Variants in PICALM observed in about 807,000 individuals in gnomAD.
PICALM encodes the protein phosphatidylinositol-binding clathrin assembly protein.
In PICALM, 40 loss-of-function variants were observed where a neutral mutation model predicts 80.5. The ratio of observed to expected loss-of-function variants is 0.50; its 90% CI spans 0.39 to 0.65. PICALM has a LOEUF of 0.65. Among genes scored for constraint, PICALM ranks in the 30% least tolerant of loss-of-function variants. The pLI, the probability that PICALM is intolerant of heterozygous loss-of-function variation, is 0.00. For synonymous variants in PICALM, 288 were observed against 260.3 expected (o/e 1.11, Z -1.02); for missense variants, 676 against 778.9 (o/e 0.87, Z 1.57).
At chr11:86,021,572 A>G (rs1593010412) in intron 4 of PICALM, among the ~76,000 whole-genome samples, 1 of 152,086 alleles carries the variant, frequency 6.6e-6, no homozygotes, top group Non-Finnish European at 1.5e-5. Flanking sequence ...TGAAAGTGCC[A>G]TACATTGCTG....
chr11:86,028,641 T>A (rs1000718123), intron 2 of PICALM, among the ~76,000 whole-genome samples: 1 of 152,158 alleles, frequency 6.6e-6, no homozygotes, highest in Non-Finnish European at 1.5e-5. Flanking sequence ...CTTACCCAAG[T>A]CACCCAGTTG....
At position 85,958,410 on chromosome 11, in the gene PICALM, A is replaced by G. The variant is rs757160186; in HGVS notation, c.*636T>C. On this transcript the variant is annotated 3_prime_UTR_variant, in exon 20 of 20. Coordinates refer to ENST00000393346, the MANE Select transcript of PICALM (RefSeq NM_007166.4). ...CTGAATCAGATTCATTCTTGTGGAT[A>G]AAAATCAAACATACTGTGCACATCC... 1.9e-5 allele frequency: 4 copies of G among 213,614 alleles called. No homozygotes were observed. The highest frequency in any genetic ancestry group is 2.8e-5 in the Non-Finnish European group (3 of 105,492). 13.2% of individuals were successfully genotyped at this position (213,614 alleles called of 1,614,324 possible).
At position 86,068,945 on chromosome 11, in the gene PICALM, G is replaced by A. The variant is rs1463400630; in HGVS notation, c.-165C>T. 1.2e-6 allele frequency: 1 copy of A among 862,922 alleles called. No homozygotes were observed. Among genetic ancestry groups the A allele is most frequent in the Non-Finnish European group, 1.7e-6 (1 of 583,474 alleles). 53.5% of individuals were successfully genotyped at this position (862,922 alleles called of 1,614,324 possible). On this transcript the variant is annotated 5_prime_UTR_variant, in exon 1 of 20. Transcript: ENST00000393346. The stretch of plus-strand genomic sequence containing the variant: ...GGGGCCGCGCGCTGCCACCAGTCCA[G>A]AGAGAACCGGCTCGTGTCACCCGCG...
chr11:86,012,366 C>G lies in PICALM; in HGVS notation c.573G>C (p.Gly191=), dbSNP rs2095413353. ...GGAGCATGAAGGCAGCATTTATTAC[C>G]CCATTTGTAAGTTCATTGCTATTAA... ...FNVNSNELTN[G]VINAAFMLLF... is the part of the protein sequence containing the mutation. The change falls in exon 6 of 20, where the codon GGG becomes GGC. Residue 191 remains glycine (G), a synonymous_variant. Transcript: ENST00000393346. 6.2e-7 allele frequency: 1 copy of G among 1,607,446 alleles called. No homozygotes were observed. Among genetic ancestry groups the G allele is most frequent in the East Asian group, 2.2e-5 (1 of 44,666 alleles).
At chr11:86,006,576 A>C (rs1165452240) in intron 8 of PICALM, among the ~76,000 whole-genome samples, 1 of 152,110 alleles carries the variant, frequency 6.6e-6, no homozygotes, top group Non-Finnish European at 1.5e-5. Context: ...GAACCCAGGA[A>C]GCGGAGGTTG....
At chr11:85,984,027 G>A (rs1312188552) in intron 13 of PICALM, 54 bp from the exon 14 acceptor site, 12 of 774,068 alleles carry the variant, frequency 1.6e-5, no homozygotes, top group South Asian at 3.2e-5. Flanking sequence ...CTACATTTAC[G>A]ACTATTTAAT....
chr11:86,043,912 C>G (rs1187313573), intron 1 of PICALM, among the ~76,000 whole-genome samples: 1 of 152,184 alleles, frequency 6.6e-6, no homozygotes, highest in Non-Finnish European at 1.5e-5. Flanking sequence ...CTCCCTCACT[C>G]AGAAAACACA....
At chr11:86,044,168 T>C (rs1401630522) in intron 1 of PICALM, among the ~76,000 whole-genome samples, 1 of 152,164 alleles carries the variant, frequency 6.6e-6, no homozygotes, top group Non-Finnish European at 1.5e-5. Context: ...AACAAATAGA[T>C]GGTGGCAAGT....
chr11:85,968,044 C>G (rs890034048), intron 19 of PICALM, among the ~76,000 whole-genome samples: 1 of 152,200 alleles, frequency 6.6e-6, no homozygotes, highest in African/African-American at 2.4e-5. Flanking sequence ...AAGAAACCAA[C>G]AAAACTTGGC....
At chr11:86,024,278 G>C (rs1026524637) in intron 3 of PICALM, among the ~76,000 whole-genome samples, 2 of 151,498 alleles carry the variant, frequency 1.3e-5, no homozygotes, top group African/African-American at 4.8e-5. Flanking sequence ...TGTAACAATG[G>C]GTCCTACATA....
At chr11:86,003,552 G>A (rs1387429815) in intron 8 of PICALM, 101 bp from the exon 9 acceptor site, 1 of 596,352 alleles carries the variant, frequency 1.7e-6, no homozygotes, top group South Asian at 2.8e-5. Context: ...AAACAGGTAT[G>A]TTCTTCATGT....
intron 1 of PICALM, among the ~76,000 whole-genome samples, chr11:86,032,926 A>G (rs10501606): frequency 0.029 from 4,364 of 152,296 alleles, 222 homozygotes; most frequent in African/African-American, 0.1. Context: ...ATATAAGTTA[A>G]TATCTGATAA....
chr11:85,958,351 T>A lies in PICALM; in HGVS notation c.*695A>T, dbSNP rs1441183968. Reference sequence around the variant, plus strand: ...AGACCTATGGACTTGCCTTAAAATATTTAGTGCTCTGTATGTCAGCTGAGA... The same window carrying A: ...AGACCTATGGACTTGCCTTAAAATAATTAGTGCTCTGTATGTCAGCTGAGA... On this transcript the variant is annotated 3_prime_UTR_variant, in exon 20 of 20. Transcript: ENST00000393346. 2 of 213,592 alleles carry A rather than the reference T, an allele frequency of 9.4e-6. No individual in the cohort carries two copies. Among genetic ancestry groups the A allele is most frequent in the African/African-American group, 4.5e-5 (2 of 44,256 alleles). 13.2% of individuals were successfully genotyped at this position (213,592 alleles called of 1,614,324 possible). A position where few individuals can be genotyped will look rare whatever the true frequency, so the allele number is the denominator to read the frequency against.
intron 1 of PICALM, among the ~76,000 whole-genome samples, chr11:86,034,609 A>G (rs1421637615): frequency 6.6e-6 from 1 of 152,204 alleles, no homozygotes; most frequent in African/African-American, 2.4e-5. Flanking sequence ...TAAAAACTGA[A>G]GTACCTTCTT....
At chr11:86,059,257 G>T (rs1480333359) in intron 1 of PICALM, among the ~76,000 whole-genome samples, 2 of 152,194 alleles carry the variant, frequency 1.3e-5, no homozygotes, top group African/African-American at 4.8e-5. Flanking sequence ...GAGCACCCAT[G>T]GGGGGTTGCT....
At chr11:85,992,878 A>G (rs1004950283) in intron 12 of PICALM, among the ~76,000 whole-genome samples, 8 of 152,210 alleles carry the variant, frequency 5.3e-5, no homozygotes, top group African/African-American at 1.9e-4. Context: ...ATTCAGAAAT[A>G]TTTGCAAATG....
chr11:86,068,618 C>T (rs749284280), intron 1 of PICALM, 33 bp downstream of exon 1: 52 of 1,590,644 alleles, frequency 3.3e-5, no homozygotes, highest in Non-Finnish European at 4.4e-5. Context: ...GCGCGGGCGC[C>T]GGGGAGCGGG....
chr11:85,974,243 G>A (rs892235205), intron 19 of PICALM, among the ~76,000 whole-genome samples: 29 of 152,084 alleles, frequency 1.9e-4, no homozygotes, highest in Non-Finnish European at 2.9e-5. Context: ...AATCCTCAGT[G>A]GCAGAAAGTT....
At chr11:85,985,781 A>C (rs565502416) in intron 13 of PICALM, among the ~76,000 whole-genome samples, 107 of 152,334 alleles carry the variant, frequency 7.0e-4, no homozygotes, top group African/African-American at 2.5e-3. Flanking sequence ...TCTTTAAATC[A>C]TTCTGGTAAT....
Sources: gnomAD v4.1 joint callset for allele counts (sites outside exome capture counted in the v4.1 genomes callset) on GRCh38, gnomAD v4.1.1 for gene constraint, MANE v1.5 for transcripts, NCBI Gene and HGNC (gene_info 2026-07-23, HGNC 2026-07-21) for gene names.